The following SLC2A5 variants were observed in gnomAD, a reference collection of about 807,000 sequenced individuals.
SLC2A5 encodes solute carrier family 2, facilitated glucose transporter member 5.
A neutral mutation model predicts 50.3 loss-of-function variants in SLC2A5; 56 were observed. The ratio of observed to expected loss-of-function variants is 1.11; its 90% CI spans 0.90 to 1.39. The LOEUF (loss-of-function observed/expected upper bound fraction) is 1.39, where lower values mean the gene tolerates loss of function less well. SLC2A5 is among the 40% of genes most tolerant of loss of function. The probability of loss-of-function intolerance (pLI) is 0.00; values close to 1 mark genes in which losing one functional copy is unlikely to be tolerated. For synonymous variants in SLC2A5, 269 were observed against 281.9 expected (o/e 0.95, Z 0.46); for missense variants, 566 against 650.1 (o/e 0.87, Z 1.41).
intron 1 of SLC2A5, among the ~76,000 whole-genome samples, chr1:9,059,386 G>A (rs1392376919): frequency 1.3e-5 from 2 of 151,122 alleles, no homozygotes; most frequent in African/African-American, 2.4e-5. Flanking sequence ...CTCGTGATCT[G>A]CCTGCCTTGG....
intron 2 of SLC2A5, among the ~76,000 whole-genome samples, chr1:9,075,922 A>G (rs567049500): frequency 4.6e-5 from 7 of 151,652 alleles, no homozygotes; most frequent in African/African-American, 1.7e-4. Flanking sequence ...CGGCCTCCCA[A>G]AGTGCTGGGA....
intron 1 of SLC2A5, among the ~76,000 whole-genome samples, chr1:9,062,653 CTTGAGACCAGGAGT>C (rs1345034813): frequency 2.0e-5 from 3 of 152,190 alleles, no homozygotes; most frequent in Non-Finnish European, 4.4e-5. Flanking sequence ...GGGAGGATCA[CTTGAGACCAGGAGT>C]TTGAGACCAG....
chr1:9,068,080 C>CT (rs769779456), intron 1 of SLC2A5, among the ~76,000 whole-genome samples: 1 of 148,508 alleles, frequency 6.7e-6, no homozygotes, highest in Admixed American at 6.9e-5. Context: ...ATCCCAGCTA[C>CT]TTGGGAGGCT....
chr1:9,071,725 G>GCTCGACCCGTGCTTCCGCCCTGGAGGGA (rs1642214652), upstream of SLC2A5: 1 of 152,236 alleles, frequency 6.6e-6, no homozygotes, highest in Non-Finnish European at 1.5e-5. Context: ...CGTCACCAAC[G>GCTCGACCCGTGCTTCCGCCCTGGAGGGA]CTCGACCCGT....
intron 3 of SLC2A5, 113 bp from the exon 4 acceptor site, chr1:9,047,847 G>A: frequency 3.5e-6 from 4 of 1,151,674 alleles, no homozygotes; most frequent in Non-Finnish European, 5.0e-6. Flanking sequence ...CAGCTTTACT[G>A]CTGTGCGTTT....
chr1:9,069,101 C>T, intron 1 of SLC2A5, among the ~76,000 whole-genome samples: 1 of 152,178 alleles, frequency 6.6e-6, no homozygotes, highest in East Asian at 1.9e-4. Flanking sequence ...TTTCATGCAG[C>T]TCAGCTATGT....
At chr1:9,042,086 CTTAG>C in intron 4 of SLC2A5, 149 bp from the exon 5 acceptor site, 2 of 1,198,326 alleles carry the variant, frequency 1.7e-6, no homozygotes, top group Non-Finnish European at 2.3e-6. Flanking sequence ...TCTTTTAATT[CTTAG>C]CCCTTTATAC....
Position 9,058,146 on chromosome 1 carries a change from A to C in SLC2A5, c.132+6T>G. The C allele has an allele frequency of 1.2e-6, 2 of 1,604,996 alleles. No individual in the cohort carries two copies. The highest frequency in any genetic ancestry group is 1.7e-6 in the Non-Finnish European group (2 of 1,171,738). ...TCCCCACATCTTGCTCACCACAGTG[A>C]CCTACCAGTGCTGGGGAGTTGACAG... On this transcript the variant is annotated splice_donor_region_variant and intron_variant, in intron 2 of 11. Coordinates refer to ENST00000377424, the MANE Select transcript of SLC2A5 (RefSeq NM_003039.3).
chr1:9,081,468 T>TAAAAAAAAAAAAAAA (rs34557003), intron 2 of SLC2A5, among the ~76,000 whole-genome samples: 1 of 102,468 alleles, frequency 9.8e-6, no homozygotes, highest in Non-Finnish European at 1.9e-5. Context: ...CTCCTTCTCT[T>TAAAAAAAAAAAAAAA]AAAAAAAAAA....
At chr1:9,070,692 A>C (rs931769000), upstream of SLC2A5, among the ~76,000 whole-genome samples, 1 of 152,102 alleles carries the variant, frequency 6.6e-6, no homozygotes. Context: ...AAATCCAGTT[A>C]CTTTAGTGAT....
At position 9,038,724 on chromosome 1, in the gene SLC2A5, C is replaced by A. The variant is rs13306773; in HGVS notation, c.1098+104G>T. 1.9e-4 allele frequency: 278 copies of A among 1,458,596 alleles called. 4 individuals carry two copies. In the East Asian group the frequency reaches 6.8e-3, roughly 36 times the overall value. The allele number at this position is 1,458,596 out of a possible 1,614,324, so 90.4% of individuals were successfully genotyped here. ...GCCAGTTGTATTTGCTAAAACAGCT[C>A]ATTGTGACCCCTTTTATTTTAAGGC... On this transcript the variant is annotated intron_variant, in intron 9 of 11. Coordinates refer to ENST00000377424, the MANE Select transcript of SLC2A5 (RefSeq NM_003039.3).
At chr1:9,094,125 C>T in the SLC2A5 span, among the ~76,000 whole-genome samples, 3 of 152,228 alleles carry the variant, frequency 2.0e-5, no homozygotes, top group Non-Finnish European at 2.9e-5. Flanking sequence ...TGCAGCCACA[C>T]TATCATTGTT....
upstream of SLC2A5, among the ~76,000 whole-genome samples, chr1:9,088,708 A>G (rs1642431194): frequency 6.6e-6 from 1 of 152,126 alleles, no homozygotes; most frequent in Non-Finnish European, 1.5e-5. Flanking sequence ...GCCTCAACCC[A>G]GGAGGTGGAG....
In SLC2A5 at chr1:9,041,786, A is replaced by G. The variant is rs1641309840; in HGVS notation, c.570T>C (p.Asp190=). 1.2e-6 allele frequency: 2 copies of G among 1,614,052 alleles called. No individual in the cohort carries two copies. Among genetic ancestry groups the G allele is most frequent in the Non-Finnish European group, 8.5e-7 (1 of 1,180,004 alleles). Residue 190 remains aspartate, a splice_region_variant and synonymous_variant, in exon 5 of 12, where the codon GAT becomes GAC. Coordinates refer to ENST00000377424, the MANE Select transcript of SLC2A5 (RefSeq NM_003039.3). ...FGLRNLLANV[D]GWPILLGLTG... is the part of the protein sequence containing the mutation. ...GCTCCCGAGATGTCCTGAACTCACC[A>G]TCTACGTTTGCAAGGAGATTCCGAA...
intron 4 of SLC2A5, among the ~76,000 whole-genome samples, chr1:9,042,424 T>C (rs556913250): frequency 7.9e-5 from 12 of 152,018 alleles, no homozygotes; most frequent in South Asian, 2.1e-4. Context: ...TGTGTGTGTG[T>C]GCGCGCGCAT....
rs566942718 is a variant in SLC2A5, at chr1:9,051,887, C to G, written c.294-4153G>C. Among the ~76,000 whole-genome samples the G allele has an allele frequency of 1.9e-3, 285 of 152,196 alleles. 2 individuals carry two copies. Among genetic ancestry groups the G allele is most frequent in the African/African-American group, 6.6e-3 (274 of 41,524 alleles). On this transcript the variant is annotated intron_variant, in intron 3 of 11. Transcript: ENST00000377424. Reference sequence around the variant, plus strand: ...ATAATTGCCAAAAGCTGGAAGCAACCAAGATGTCCTCTGGTACTGAACCGA... The same window carrying G: ...ATAATTGCCAAAAGCTGGAAGCAACGAAGATGTCCTCTGGTACTGAACCGA...
intron 3 of SLC2A5, among the ~76,000 whole-genome samples, chr1:9,049,687 C>G (rs1050525773): frequency 3.6e-5 from 5 of 138,282 alleles, no homozygotes; most frequent in African/African-American, 1.4e-4. Flanking sequence ...GGTGACACAG[C>G]GAGACTCTGT....
intron 4 of SLC2A5, among the ~76,000 whole-genome samples, chr1:9,042,638 GGT>G (rs1557664046): frequency 2.2e-5 from 3 of 139,466 alleles, no homozygotes; most frequent in Admixed American, 7.3e-5. Flanking sequence ...TGTGTGTGTG[GGT>G]GTGTGTGTGG....
At chr1:9,074,412 A>G (rs941245511), upstream of SLC2A5, among the ~76,000 whole-genome samples, 1 of 152,140 alleles carries the variant, frequency 6.6e-6, no homozygotes, top group Non-Finnish European at 1.5e-5. Context: ...GAGGGAGAGT[A>G]TGGTAACCTA....
Sources: gnomAD v4.1 joint callset for allele counts (sites outside exome capture counted in the v4.1 genomes callset) on GRCh38, gnomAD v4.1.1 for gene constraint, MANE v1.5 for transcripts, NCBI Gene and HGNC (gene_info 2026-07-23, HGNC 2026-07-21) for gene names.